Variants in EPHA4 observed in about 807,000 individuals in gnomAD.
EPHA4 encodes EPH receptor A4.
Under a neutral mutation model 108.3 loss-of-function variants are expected in EPHA4, and 19 were observed. The observed-to-expected ratio is 0.18, with a 90% CI of 0.12 to 0.26. The LOEUF is 0.26. EPHA4 is among the 10% of genes least tolerant of loss of function. EPHA4 has a pLI of 1.00. For synonymous variants in EPHA4, 449 were observed against 455.5 expected (o/e 0.99, Z 0.18); for missense variants, 917 against 1,254.0 (o/e 0.73, Z 4.06).
At chr2:221,486,844 T>C in intron 4 of EPHA4, among the ~76,000 whole-genome samples, 1 of 151,934 alleles carries the variant, frequency 6.6e-6, no homozygotes, top group African/African-American at 2.4e-5. Context: ...AAATGTTTGA[T>C]AAGTCAATGA....
At chr2:221,527,294 C>T (rs2106179739) in intron 3 of EPHA4, among the ~76,000 whole-genome samples, 1 of 152,248 alleles carries the variant, frequency 6.6e-6, no homozygotes, top group South Asian at 2.1e-4. Flanking sequence ...TGACAAGTGC[C>T]TCTGATTAAT....
Position 221,430,017 on chromosome 2 carries a change from C to T in EPHA4, c.2631G>A (p.Met877Ile). ...TGGGGTTGCGGATGAGTTTGTCCAA[C>T]ATGTTGACAATCTGCCCAAATTTAG... ...DRPKFGQIVN[M>I]LDKLIRNPNS... Residue 877 changes from methionine to isoleucine, a missense_variant, in exon 15 of 18, where the codon ATG becomes ATA. By Grantham distance (10) the Met-to-Ile change is conservative. Around this residue, in one of 3 missense-constraint regions of EPHA4, gnomAD observed 133 missense variants for 132.8 expected, o/e 1.00. Coordinates refer to ENST00000281821, the MANE Select transcript of EPHA4 (RefSeq NM_004438.5). 1 of 1,614,082 alleles carries T rather than the reference C, an allele frequency of 6.2e-7. No individual in the cohort carries two copies. Among genetic ancestry groups the T allele is most frequent in the Non-Finnish European group, 8.5e-7 (1 of 1,179,994 alleles).
At position 221,419,927 on chromosome 2, in the gene EPHA4, G is replaced by T. The variant is rs779805220; in HGVS notation, c.*1445C>A. ...TGGGTAGTCCTAAGCATGAGGCTAC[G>T]CACATACACACACCCGCACACAGAC... On this transcript the variant is annotated 3_prime_UTR_variant, in exon 18 of 18. Transcript: ENST00000281821. 1 of 152,602 alleles carries T rather than the reference G, an allele frequency of 6.6e-6. No homozygotes were observed. The highest frequency in any genetic ancestry group is 1.5e-5 in the Non-Finnish European group (1 of 68,072). 9.5% of individuals were successfully genotyped at this position (152,602 alleles called of 1,614,324 possible).
chr2:221,514,126 G>T (rs1457833898), intron 3 of EPHA4, among the ~76,000 whole-genome samples: 1 of 151,426 alleles, frequency 6.6e-6, no homozygotes, highest in African/African-American at 2.4e-5. Flanking sequence ...AATGCATTTT[G>T]AACTCTTCAG....
At chr2:221,431,737 T>C (rs1354075694) in intron 14 of EPHA4, among the ~76,000 whole-genome samples, 2 of 152,214 alleles carry the variant, frequency 1.3e-5, no homozygotes, top group African/African-American at 2.4e-5. Context: ...TAAATTGTTA[T>C]AACCCCTCAG....
chr2:221,473,068 G>A (rs1417678875), intron 5 of EPHA4, among the ~76,000 whole-genome samples: 1 of 152,166 alleles, frequency 6.6e-6, no homozygotes, highest in African/African-American at 2.4e-5. Context: ...CAATGAGGAA[G>A]CCAAGGGGTT....
chr2:221,500,149 C>T (rs1234013264), intron 4 of EPHA4, among the ~76,000 whole-genome samples: 1 of 152,176 alleles, frequency 6.6e-6, no homozygotes, highest in East Asian at 1.9e-4. Flanking sequence ...CATTAGGAGG[C>T]ACTGTTATTA....
chr2:221,569,705 C>G (rs934783720), intron 1 of EPHA4, among the ~76,000 whole-genome samples: 12 of 151,930 alleles, frequency 7.9e-5, no homozygotes, highest in Non-Finnish European at 1.6e-4. Flanking sequence ...AAAGGAACCA[C>G]TGGGTTATTA....
chr2:221,477,410 T>C (rs867433031), intron 5 of EPHA4, among the ~76,000 whole-genome samples: 3 of 152,184 alleles, frequency 2.0e-5, no homozygotes, highest in South Asian at 2.1e-4. Context: ...CTTAGCCCTA[T>C]GGACATTTTG....
intron 3 of EPHA4, among the ~76,000 whole-genome samples, chr2:221,523,903 T>C (rs1246718617): frequency 6.6e-6 from 1 of 152,196 alleles, no homozygotes; most frequent in East Asian, 1.9e-4. Flanking sequence ...GAATATTTTT[T>C]GAGCACCTGG....
chr2:221,424,501 T>C (rs1162704216), intron 17 of EPHA4, among the ~76,000 whole-genome samples: 6 of 151,692 alleles, frequency 4.0e-5, no homozygotes, highest in Non-Finnish European at 8.8e-5. Flanking sequence ...AATGAAAAGT[T>C]AAAATGTGTC....
chr2:221,431,120 G>T (rs1335135507), intron 14 of EPHA4, among the ~76,000 whole-genome samples: 1 of 152,202 alleles, frequency 6.6e-6, no homozygotes, highest in African/African-American at 2.4e-5. Flanking sequence ...AATTTATAGA[G>T]GAGAACTACT....
chr2:221,423,476 T>C (rs1689812482), intron 17 of EPHA4, among the ~76,000 whole-genome samples: 1 of 152,228 alleles, frequency 6.6e-6, no homozygotes, highest in African/African-American at 2.4e-5. Context: ...AAAGTCCTTT[T>C]TTGGCCTTTG....
intron 3 of EPHA4, among the ~76,000 whole-genome samples, chr2:221,502,856 T>C (rs2106159029): frequency 6.6e-6 from 1 of 152,264 alleles, no homozygotes; most frequent in East Asian, 1.9e-4. Context: ...CTCTCCCTTA[T>C]TTGCTTTCGT....
intron 5 of EPHA4, among the ~76,000 whole-genome samples, chr2:221,464,796 G>T (rs1446317678): frequency 6.6e-6 from 1 of 152,090 alleles, no homozygotes; most frequent in Non-Finnish European, 1.5e-5. Context: ...GCTACATCAT[G>T]CATCCACACA....
At chr2:221,468,750 C>A (rs1024809141) in intron 5 of EPHA4, among the ~76,000 whole-genome samples, 1 of 152,206 alleles carries the variant, frequency 6.6e-6, no homozygotes, top group Non-Finnish European at 1.5e-5. Flanking sequence ...CAATCAAAAG[C>A]CTTGTTCATT....
Position 221,563,917 on chromosome 2 carries a change from G to C in EPHA4, c.637C>G (p.Gln213Glu), listed in dbSNP as rs1394481740. The part of the protein sequence containing the change: ...KCPLTVRNLA[Q>E]FPDTITGADT... ...GCCCCTGTGATGGTGTCAGGAAACT[G>C]GGCCAGATTGCGGACTGTGAGTGGA... Residue 213 changes from glutamine (Q) to glutamate (E), a missense_variant, in exon 3 of 18, where the codon CAG becomes GAG. This residue lies in a region of EPHA4 where 758 missense variants were observed against 1,076.7 expected (regional missense o/e 0.70). Transcript: ENST00000281821. The C allele has an allele frequency of 2.5e-6, 4 of 1,614,086 alleles. No homozygotes were observed. Among genetic ancestry groups the C allele is most frequent in the Admixed American group, 3.3e-5 (2 of 60,006 alleles).
intron 3 of EPHA4, among the ~76,000 whole-genome samples, chr2:221,550,654 T>A (rs1694132170): frequency 1.3e-5 from 2 of 152,224 alleles, no homozygotes; most frequent in Admixed American, 1.3e-4. Flanking sequence ...TAAAGTTTAC[T>A]AACTAGCCCA....
intron 8 of EPHA4, among the ~76,000 whole-genome samples, chr2:221,453,972 T>G (rs967998709): frequency 2.0e-5 from 3 of 151,522 alleles, no homozygotes; most frequent in African/African-American, 7.3e-5. Context: ...AGGTCAGGAG[T>G]TTGAGACCAG....
Sources: allele counts gnomAD v4.1 joint callset (sites outside exome capture counted in the v4.1 genomes callset), GRCh38; gene constraint gnomAD v4.1.1; regional missense constraint gnomAD v4.1.1; transcripts MANE v1.5; gene names NCBI Gene and HGNC (gene_info 2026-07-23, HGNC 2026-07-21).